The following TEX11 variants were observed in gnomAD, a reference collection of about 807,000 sequenced individuals.
TEX11 encodes testis-expressed protein 11.
In TEX11, 7 loss-of-function variants were observed where a neutral mutation model predicts 84.4. That is an observed-to-expected ratio of 0.08 (90% CI 0.05 to 0.16). The LOEUF (loss-of-function observed/expected upper bound fraction) is 0.16. TEX11 is among the 10% of genes least tolerant of loss of function. The pLI, the probability that TEX11 is intolerant of heterozygous loss-of-function variation, is 1.00. For missense variants in TEX11, 551 were observed against 660.5 expected, an observed-to-expected ratio of 0.83 and a Z score of 1.82; for synonymous variants, 264 against 222.8, an observed-to-expected ratio of 1.18 and a Z score of -1.64.
intron 12 of TEX11, 59 bp downstream of exon 12, chrX:70,725,203 A>G (rs2090590430): frequency 1.2e-6 from 1 of 821,486 alleles, no homozygotes; most frequent in Non-Finnish European, 1.7e-6. Context: ...AAGATCTTAT[A>G]TTTAACAAAT....
chrX:70,588,951 A>G (rs2088890761), intron 25 of TEX11, among the ~76,000 whole-genome samples: 1 of 109,570 alleles, frequency 9.1e-6, no homozygotes, highest in South Asian at 3.9e-4. Flanking sequence ...AAAAAAAGAA[A>G]GAAATATCTA....
intron 13 of TEX11, among the ~76,000 whole-genome samples, chrX:70,710,895 G>C (rs768503972): frequency 9.1e-6 from 1 of 110,096 alleles, no homozygotes; most frequent in Non-Finnish European, 1.9e-5. Context: ...CCATTAACTC[G>C]TCATTTAACA....
intron 13 of TEX11, among the ~76,000 whole-genome samples, chrX:70,702,222 T>C (rs1053299795): frequency 9.0e-6 from 1 of 111,592 alleles, no homozygotes; most frequent in African/African-American, 3.3e-5. Flanking sequence ...TAAACTTCAC[T>C]GTTGACTTAT....
chrX:70,789,926 T>C (rs2091107978), intron 9 of TEX11, among the ~76,000 whole-genome samples: 1 of 112,439 alleles, frequency 8.9e-6, no homozygotes, highest in African/African-American at 3.2e-5. Context: ...TAGCATTATA[T>C]ACACAATGGA....
At chrX:70,645,206 G>A (rs529100742) in intron 17 of TEX11, among the ~76,000 whole-genome samples, 7 of 109,702 alleles carry the variant, frequency 6.4e-5, no homozygotes, top group African/African-American at 2.0e-4. Flanking sequence ...CCTACCAAAC[G>A]TTTAAAGAAC....
intron 28 of TEX11, 48 bp from the exon 29 acceptor site, chrX:70,530,047 T>C: frequency 7.7e-6 from 8 of 1,039,676 alleles, no homozygotes; most frequent in Non-Finnish European, 1.1e-5. Context: ...TCACAGTTCA[T>C]TGTGGCACTA....
chrX:70,525,371 A>T (rs751883582), downstream of TEX11, among the ~76,000 whole-genome samples: 135 of 111,340 alleles, frequency 1.2e-3, no homozygotes, highest in African/African-American at 4.2e-3. Flanking sequence ...AGATCATTTG[A>T]GCTCAGGAGT....
intron 2 of TEX11, among the ~76,000 whole-genome samples, chrX:70,907,466 G>A (rs1432233164): frequency 9.0e-6 from 1 of 110,733 alleles, no homozygotes; most frequent in Non-Finnish European, 1.9e-5. Flanking sequence ...GAGCGCAGTG[G>A]CGCAGTCTCT....
intron 17 of TEX11, among the ~76,000 whole-genome samples, chrX:70,632,076 C>A (rs910525480): frequency 1.0e-5 from 1 of 97,104 alleles, no homozygotes; most frequent in East Asian, 3.3e-4. Flanking sequence ...TCTAAATTAG[C>A]CTTTGTTTTC....
At chrX:70,546,174 A>G (rs2088121063) in intron 28 of TEX11, among the ~76,000 whole-genome samples, 1 of 112,260 alleles carries the variant, frequency 8.9e-6, no homozygotes, top group South Asian at 3.7e-4. Context: ...CAAACAGCAG[A>G]GGAGTGATAT....
chrX:70,747,770 T>G (rs1472491843), intron 9 of TEX11, among the ~76,000 whole-genome samples: 1 of 111,412 alleles, frequency 9.0e-6, no homozygotes, highest in Non-Finnish European at 1.9e-5. Context: ...TTTTATATAT[T>G]TTTTATTATA....
At chrX:70,890,901 C>A (rs141244084) in intron 2 of TEX11, among the ~76,000 whole-genome samples, 1,608 of 112,470 alleles carry the variant, frequency 0.014, 17 homozygotes, top group Non-Finnish European at 0.023. Context: ...AGACTGCCTC[C>A]TCAAGTGGGT....
At chrX:70,638,302 G>A (rs2089599628) in intron 17 of TEX11, among the ~76,000 whole-genome samples, 1 of 111,405 alleles carries the variant, frequency 9.0e-6, no homozygotes, top group South Asian at 3.8e-4. Context: ...GCTCTTCACA[G>A]CAGAAATATA....
intron 2 of TEX11, among the ~76,000 whole-genome samples, chrX:70,906,853 AAATCAT>A (rs2091837048): frequency 1.8e-5 from 2 of 112,280 alleles, no homozygotes; most frequent in Admixed American, 1.9e-4. Flanking sequence ...AAACTTTTTA[AAATCAT>A]AGATTTGTAG....
intron 9 of TEX11, among the ~76,000 whole-genome samples, chrX:70,789,576 A>T (rs967255895): frequency 1.8e-5 from 2 of 112,041 alleles, no homozygotes; most frequent in African/African-American, 6.5e-5. Context: ...ACAAACAAAC[A>T]AAAAACCCAC....
At chrX:70,548,651 C>G (rs1347320525) in intron 28 of TEX11, among the ~76,000 whole-genome samples, 1 of 111,166 alleles carries the variant, frequency 9.0e-6, no homozygotes. Flanking sequence ...CAGTGCTGCC[C>G]TGTCACAGCA....
chrX:70,810,556 C>G (rs1010693631), intron 8 of TEX11, among the ~76,000 whole-genome samples: 1 of 111,225 alleles, frequency 9.0e-6, no homozygotes, highest in African/African-American at 3.3e-5. Flanking sequence ...GAAAACCAAA[C>G]ACCGCATGTT....
chrX:70,774,077 T>C (rs1392916369), intron 9 of TEX11, among the ~76,000 whole-genome samples: 3 of 110,292 alleles, frequency 2.7e-5, no homozygotes, highest in African/African-American at 9.9e-5. Context: ...ACAGGGAACT[T>C]GGCTGGGTCC....
chrX:70,548,666 G>C (rs1463452295), intron 28 of TEX11, among the ~76,000 whole-genome samples: 2 of 111,546 alleles, frequency 1.8e-5, no homozygotes, highest in Non-Finnish European at 3.8e-5. Context: ...ACAGCAGAAA[G>C]TAACACTGGG....
Sources: allele counts gnomAD v4.1 joint callset (sites outside exome capture counted in the v4.1 genomes callset), GRCh38; gene constraint gnomAD v4.1.1; transcripts MANE v1.5; gene names NCBI Gene and HGNC (gene_info 2026-07-23, HGNC 2026-07-21).